Variants in C1orf21 observed in about 807,000 individuals in gnomAD.
The protein encoded by C1orf21 is chromosome 1 open reading frame 21, also known as uncharacterized protein C1orf21.
Under a neutral mutation model 18.7 loss-of-function variants are expected in C1orf21, and 3 were observed. The ratio of observed to expected loss-of-function variants is 0.16; its 90% CI spans 0.07 to 0.42. The LOEUF is 0.42. C1orf21 is among the 10% of genes least tolerant of loss of function. C1orf21 has a pLI of 0.99. For synonymous variants in C1orf21, 41 were observed against 46.4 expected (o/e 0.88, Z 0.47); for missense variants, 104 against 143.6 (o/e 0.72, Z 1.41).
At chr1:184,618,723 A>G (rs1171146678) in intron 5 of C1orf21, among the ~76,000 whole-genome samples, 7 of 150,660 alleles carry the variant, frequency 4.6e-5, no homozygotes, top group Admixed American at 1.3e-4. Flanking sequence ...ATAACACCTG[A>G]CTTTTTACAA....
In C1orf21 at chr1:184,410,620, TATATATATATATA is replaced by T. The variant is rs1557964882; in HGVS notation, c.-125+23253_-125+23265del. Among the ~76,000 whole-genome samples the T allele has an allele frequency of 2.5e-3, 11 of 4,394 alleles. 1 individual carries two copies. The highest frequency in any genetic ancestry group is 5.2e-3 in the African/African-American group (1 of 194). 2.9% of individuals were successfully genotyped at this position (4,394 alleles called of 152,430 possible). A position where few individuals can be genotyped will look rare whatever the true frequency, so the allele number is the denominator to read the frequency against. On this transcript the variant is annotated intron_variant, in intron 1 of 5. Coordinates refer to ENST00000235307, the MANE Select transcript of C1orf21 (RefSeq NM_030806.4). ...AAAGATTAATTTGCCATATATATTATATATATATATATATATATATATATATATATATATATAT... is the reference window on the plus strand; with the variant it reads ...AAAGATTAATTTGCCATATATATTATTATATATATATATATATATATATAT...
At chr1:184,616,726 CGT>C (rs55938251) in intron 5 of C1orf21, among the ~76,000 whole-genome samples, 116 of 150,676 alleles carry the variant, frequency 7.7e-4, no homozygotes, top group Middle Eastern at 3.4e-3. Flanking sequence ...GTTGTGTGCA[CGT>C]GTGTGTGTGT....
At chr1:184,506,814 T>C (rs1455981256) in intron 2 of C1orf21, among the ~76,000 whole-genome samples, 2 of 152,194 alleles carry the variant, frequency 1.3e-5, no homozygotes, top group African/African-American at 2.4e-5. Flanking sequence ...ATATTGATAC[T>C]GGGATCTGTG....
intron 3 of C1orf21, chr1:184,545,967 TG>T (rs1186613529): frequency 6.6e-6 from 1 of 152,228 alleles, no homozygotes; most frequent in African/African-American, 2.4e-5. Flanking sequence ...ATTATGAAGT[TG>T]CAAAGTCTGT....
Position 184,574,016 on chromosome 1 carries a change from G to A in C1orf21, c.190-16723G>A, listed in dbSNP as rs373014721. 1.2e-3 allele frequency among the ~76,000 whole-genome samples: 186 copies of A among 151,930 alleles called. 2 individuals are homozygous for A. The highest frequency in any genetic ancestry group is 4.1e-3 in the African/African-American group (170 of 41,432). On this transcript the variant is annotated intron_variant, in intron 3 of 5. Transcript: ENST00000235307. ...TTGAGACCAGCCTAGCCAACATGGCGAAACCCCATCTCTACTAAAAGAAAA... is the reference window on the plus strand; with the variant it reads ...TTGAGACCAGCCTAGCCAACATGGCAAAACCCCATCTCTACTAAAAGAAAA...
At chr1:184,559,131 T>C (rs1486203060) in intron 3 of C1orf21, among the ~76,000 whole-genome samples, 2 of 152,182 alleles carry the variant, frequency 1.3e-5, no homozygotes, top group African/African-American at 2.4e-5. Flanking sequence ...TAGTGTTGAA[T>C]TGTAATCTCC....
chr1:184,575,783 C>G (rs1041213044), intron 3 of C1orf21, among the ~76,000 whole-genome samples: 1 of 152,024 alleles, frequency 6.6e-6, no homozygotes, highest in Admixed American at 6.6e-5. Flanking sequence ...AGCAAACCCC[C>G]TGACCCCTGC....
intron 1 of C1orf21, among the ~76,000 whole-genome samples, chr1:184,458,664 G>A (rs1420950435): frequency 6.6e-6 from 1 of 152,068 alleles, no homozygotes; most frequent in African/African-American, 2.4e-5. Context: ...CTGGCTTGTT[G>A]CCACTTATCA....
intron 3 of C1orf21, among the ~76,000 whole-genome samples, chr1:184,514,152 A>G (rs1430058858): frequency 1.3e-5 from 2 of 152,134 alleles, no homozygotes; most frequent in African/African-American, 4.8e-5. Context: ...AAGTAAAAAT[A>G]GAATTAGCTG....
intron 1 of C1orf21, among the ~76,000 whole-genome samples, chr1:184,432,121 T>C (rs543568076): frequency 6.8e-4 from 103 of 152,318 alleles, no homozygotes; most frequent in Middle Eastern, 6.8e-3. Context: ...TGGCAATTCC[T>C]CAAGGATCTA....
chr1:184,404,278 C>G (rs1009059252), intron 1 of C1orf21, among the ~76,000 whole-genome samples: 1 of 152,190 alleles, frequency 6.6e-6, no homozygotes, highest in African/African-American at 2.4e-5. Flanking sequence ...TGTACCTTTT[C>G]TCAGTGGAGT....
intron 2 of C1orf21, among the ~76,000 whole-genome samples, chr1:184,480,795 C>T (rs1571378392): frequency 6.6e-6 from 1 of 152,106 alleles, no homozygotes; most frequent in African/African-American, 2.4e-5. Context: ...GCATGAATGG[C>T]ATTCAGAGGA....
At chr1:184,495,674 C>G (rs1657883001) in intron 2 of C1orf21, among the ~76,000 whole-genome samples, 1 of 151,986 alleles carries the variant, frequency 6.6e-6, no homozygotes, top group Non-Finnish European at 1.5e-5. Context: ...GTAATTCCAG[C>G]ACTTTGGGAG....
At chr1:184,556,654 C>G (rs1451346742) in intron 3 of C1orf21, among the ~76,000 whole-genome samples, 2 of 152,078 alleles carry the variant, frequency 1.3e-5, no homozygotes, top group African/African-American at 4.8e-5. Context: ...TGGAACTATT[C>G]CACATGTTGA....
rs1557964875 is a variant in C1orf21 at position 184,410,618 on chromosome 1, TA to T, written c.-125+23251del. 4.7e-3 allele frequency among the ~76,000 whole-genome samples: 23 copies of T among 4,886 alleles called. 2 individuals are homozygous for T. Among genetic ancestry groups the T allele is most frequent in the Non-Finnish European group, 5.5e-3 (21 of 3,822 alleles). 3.2% of individuals were successfully genotyped at this position (4,886 alleles called of 152,430 possible). ...TGAAAGATTAATTTGCCATATATATTATATATATATATATATATATATATAT... is the reference window on the plus strand; with the variant it reads ...TGAAAGATTAATTTGCCATATATATTTATATATATATATATATATATATAT... On this transcript the variant is annotated intron_variant, in intron 1 of 5. Coordinates refer to ENST00000235307, the MANE Select transcript of C1orf21 (RefSeq NM_030806.4).
chr1:184,517,060 A>G (rs1658240925), intron 3 of C1orf21, among the ~76,000 whole-genome samples: 1 of 152,238 alleles, frequency 6.6e-6, no homozygotes, highest in African/African-American at 2.4e-5. Context: ...ACCAGAGGAT[A>G]TTCTGCAATT....
rs1659901297 is a variant in C1orf21 at position 184,620,567 on chromosome 1, C to G, written c.*1011C>G. 1 of 152,568 alleles carries G rather than the reference C, an allele frequency of 6.6e-6. No homozygotes were observed. The highest frequency in any genetic ancestry group is 2.4e-5 in the African/African-American group (1 of 41,424). 9.5% of individuals were successfully genotyped at this position (152,568 alleles called of 1,614,324 possible). A position where few individuals can be genotyped will look rare whatever the true frequency, so the allele number is the denominator to read the frequency against. On this transcript the variant is annotated 3_prime_UTR_variant, in exon 6 of 6. Transcript: ENST00000235307. Reference sequence around the variant, plus strand: ...TCATTTTGTTAGCAAATAAACCATCCTATTTTGTAACTCTCCCCCTTCAAA... The same window carrying G: ...TCATTTTGTTAGCAAATAAACCATCGTATTTTGTAACTCTCCCCCTTCAAA...
intron 2 of C1orf21, among the ~76,000 whole-genome samples, chr1:184,494,844 GCT>G (rs1657866258): frequency 7.2e-6 from 1 of 139,542 alleles, no homozygotes; most frequent in Admixed American, 7.0e-5. Flanking sequence ...TTTTGCTTTT[GCT>G]TTTTTTTTTT....
chr1:184,539,608 A>G (rs1478127844), intron 3 of C1orf21, among the ~76,000 whole-genome samples: 1 of 152,222 alleles, frequency 6.6e-6, no homozygotes, highest in African/African-American at 2.4e-5. Flanking sequence ...CAGTGAAGCA[A>G]TCAGGCCCAG....
Sources: gnomAD v4.1 joint callset for allele counts (sites outside exome capture counted in the v4.1 genomes callset) on GRCh38, gnomAD v4.1.1 for gene constraint, MANE v1.5 for transcripts, NCBI Gene and HGNC (gene_info 2026-07-23, HGNC 2026-07-21) for gene names.